The following GON4L variants were observed in gnomAD, a reference collection of about 807,000 sequenced individuals.
GON4L encodes GON-4-like protein.
GON4L carries 87 observed loss-of-function variants against 211.8 expected under a neutral mutation model. The observed-to-expected ratio is 0.41, with a 90% CI of 0.35 to 0.49. The LOEUF is 0.49. GON4L is among the 20% of genes least tolerant of loss of function. The pLI is 0.15. For synonymous variants in GON4L, 875 were observed against 962.6 expected, an observed-to-expected ratio of 0.91 and a Z score of 1.68; for missense variants, 2,155 against 2,659.5, an observed-to-expected ratio of 0.81 and a Z score of 4.17.
At chr1:155,799,026 GAT>G (rs1454306739) in intron 11 of GON4L, among the ~76,000 whole-genome samples, 1 of 152,118 alleles carries the variant, frequency 6.6e-6, no homozygotes, top group African/African-American at 2.4e-5. Context: ...TTACCCAGCT[GAT>G]ATACCCCTCC....
chr1:155,807,754 T>C (rs1338634889), intron 10 of GON4L, among the ~76,000 whole-genome samples: 1 of 148,442 alleles, frequency 6.7e-6, no homozygotes, highest in African/African-American at 2.5e-5. Context: ...GACCTCCATC[T>C]TTGTACTTTT....
chr1:155,840,869 T>A (rs988538482), intron 2 of GON4L, among the ~76,000 whole-genome samples: 1 of 151,968 alleles, frequency 6.6e-6, no homozygotes, highest in African/African-American at 2.4e-5. Context: ...CCCGTCCCTA[T>A]CAAAAATACA....
intron 3 of GON4L, 81 bp from the exon 4 acceptor site, chr1:155,822,557 G>T (rs1025279277): frequency 4.0e-6 from 4 of 987,974 alleles, no homozygotes; most frequent in Non-Finnish European, 4.8e-6. Context: ...CAGTAAAGTG[G>T]ATAAATCTCA....
chr1:155,767,614 G>C, intron 19 of GON4L, 73 bp from the exon 20 acceptor site: 3 of 1,498,590 alleles, frequency 2.0e-6, no homozygotes, highest in Non-Finnish European at 1.8e-6. Context: ...TGGTGAATGG[G>C]GTGGTGGTGG....
intron 28 of GON4L, 56 bp from the exon 29 acceptor site, chr1:155,753,470 G>C (rs1660830322): frequency 1.5e-6 from 2 of 1,340,240 alleles, no homozygotes; most frequent in African/African-American, 1.5e-5. Context: ...TCTTTGGTTG[G>C]GGCCCACCAA....
At chr1:155,779,127 G>T (rs1406713689) in intron 14 of GON4L, among the ~76,000 whole-genome samples, 1 of 151,334 alleles carries the variant, frequency 6.6e-6, no homozygotes, top group African/African-American at 2.4e-5. Flanking sequence ...AGTCGTGGGG[G>T]CCTGTAGTCC....
chr1:155,750,530 C>A lies in GON4L; in HGVS notation c.*54G>T. On this transcript the variant is annotated 3_prime_UTR_variant, in exon 32 of 32. Coordinates refer to ENST00000368331, the MANE Select transcript of GON4L (RefSeq NM_001282860.2). Reference sequence around the variant, plus strand: ...ACAAGCAGAGTACAACTACCCCCTCCCCGGTGCCAGGGCGCCTGTTGGGTT... The same window carrying A: ...ACAAGCAGAGTACAACTACCCCCTCACCGGTGCCAGGGCGCCTGTTGGGTT... 6.5e-7 allele frequency: 1 copy of A among 1,531,470 alleles called. No individual in the cohort carries two copies. Among genetic ancestry groups the A allele is most frequent in the Non-Finnish European group, 9.0e-7 (1 of 1,105,852 alleles). The allele number at this position is 1,531,470 out of a possible 1,614,324, so 94.9% of individuals were successfully genotyped here.
In GON4L at chr1:155,766,185, A is replaced by G. The variant is rs1662451670; in HGVS notation, c.3288T>C (p.Pro1096=). The G allele has an allele frequency of 1.9e-6, 3 of 1,614,126 alleles. No homozygotes were observed. In the East Asian group the frequency reaches 6.7e-5, roughly 36 times the overall value. The change falls in exon 21 of 32, where the codon CCT becomes CCC. Residue 1096 remains proline (P), a synonymous_variant. Coordinates refer to ENST00000368331, the MANE Select transcript of GON4L (RefSeq NM_001282860.2). ...GGGAGGGCAGCATTACCTTGGGCAC[A>G]GGGGCAGAAGAGAGCAAAGTCTGGG... is the stretch of plus-strand genomic sequence containing the variant. ...SESQTLLSSA[P]VPKVMLPSLA...
At chr1:155,842,523 C>CAAAAA in intron 2 of GON4L, among the ~76,000 whole-genome samples, 1 of 25,990 alleles carries the variant, frequency 3.8e-5, no homozygotes, top group Non-Finnish European at 7.4e-5. Flanking sequence ...GACTCCATCT[C>CAAAAA]AAAAAAAAAA....
chr1:155,768,455 C>CAA (rs1557841039), intron 19 of GON4L, among the ~76,000 whole-genome samples: 1 of 149,104 alleles, frequency 6.7e-6, no homozygotes, highest in Non-Finnish European at 1.5e-5. Flanking sequence ...CTAAAAAATA[C>CAA]AAAAAATTAG....
intron 11 of GON4L, among the ~76,000 whole-genome samples, chr1:155,804,022 C>A (rs1173153770): frequency 6.6e-6 from 1 of 152,154 alleles, no homozygotes; most frequent in Admixed American, 6.5e-5. Flanking sequence ...TCACTTGCAT[C>A]ATGAAGACCC....
Position 155,766,209 on chromosome 1 carries a change from G to C in GON4L, c.3264C>G (p.Ser1088=), listed in dbSNP as rs1366901248. 1.9e-6 allele frequency: 3 copies of C among 1,613,956 alleles called. No individual in the cohort carries two copies. In the Admixed American group the frequency reaches 5.0e-5, roughly 27 times the overall value. ...CAGGGGCAGAAGAGAGCAAAGTCTG[G>C]GACTCAGACAGAGGGAAGCTTGTCC... ...EARTSFPLSE[S]QTLLSSAPVP... is the part of the protein sequence containing the mutation. Residue 1088 remains serine (S), a synonymous_variant, in exon 21 of 32, where the codon TCC becomes TCG. Transcript: ENST00000368331.
intron 14 of GON4L, among the ~76,000 whole-genome samples, chr1:155,782,685 T>C (rs1664539603): frequency 6.6e-6 from 1 of 152,112 alleles, no homozygotes; most frequent in African/African-American, 2.4e-5. Context: ...TTTATTTTAT[T>C]TTTTTGAGAC....
chr1:155,753,272 C>T lies in GON4L; in HGVS notation c.5774G>A (p.Arg1925Gln), dbSNP rs536850613. The T allele has an allele frequency of 1.6e-5, 26 of 1,613,738 alleles. No homozygotes were observed. The highest frequency in any genetic ancestry group is 1.9e-5 in the Non-Finnish European group (23 of 1,179,806). ...DMMEEEAPEE[R>Q]ESTEATQSRT... ...GCTCTGGGTGGCCTCAGTGCTCTCC[C>T]GCTCCTCTGGGGCTTCCTCTTCCAT... Residue 1925 changes from arginine to glutamine, a missense_variant, in exon 29 of 32, where the codon CGG becomes CAG. Physicochemically the swap from Arg to Gln is conservative, Grantham distance 43. This residue lies in a region of GON4L where 455 missense variants were observed against 504.6 expected (regional missense o/e 0.90). Coordinates refer to ENST00000368331, the MANE Select transcript of GON4L (RefSeq NM_001282860.2).
chr1:155,836,596 C>T (rs1008910600), intron 2 of GON4L, among the ~76,000 whole-genome samples: 2 of 152,170 alleles, frequency 1.3e-5, no homozygotes, highest in Non-Finnish European at 2.9e-5. Flanking sequence ...TCTCCTCTCC[C>T]TTTACCTTTT....
upstream of GON4L, among the ~76,000 whole-genome samples, chr1:155,857,630 G>A (rs1672398447): frequency 6.6e-6 from 1 of 152,138 alleles, no homozygotes; most frequent in Non-Finnish European, 1.5e-5. Context: ...TCCGGAGGCT[G>A]AGGCAGGAGA....
chr1:155,805,034 T>G lies in GON4L; in HGVS notation c.1560A>C (p.Pro520=), dbSNP rs1215041776. 1 of 1,613,364 alleles carries G rather than the reference T, an allele frequency of 6.2e-7. No homozygotes were observed. Among genetic ancestry groups the G allele is most frequent in the East Asian group, 2.2e-5 (1 of 44,870 alleles). The part of the protein sequence containing the change: ...EAELQAPDIT[P]DMYDPNTADD... ...CTGCCGTATTGGGGTCATACATATC[T>G]GGAGTGATGTCTGGAGCTTGGAGCT... is the stretch of plus-strand genomic sequence containing the variant. Residue 520 remains proline (P), a synonymous_variant, in exon 11 of 32, where the codon CCA becomes CCC. Coordinates refer to ENST00000368331, the MANE Select transcript of GON4L (RefSeq NM_001282860.2).
chr1:155,747,011 G>A (rs1285953836), downstream of GON4L: 21 of 1,594,382 alleles, frequency 1.3e-5, no homozygotes, highest in Non-Finnish European at 1.7e-5. Flanking sequence ...CCTAAGGACT[G>A]CGACTCGGTG....
chr1:155,844,441 A>C (rs1049994384), intron 2 of GON4L, among the ~76,000 whole-genome samples: 1 of 152,094 alleles, frequency 6.6e-6, no homozygotes, highest in East Asian at 1.9e-4. Flanking sequence ...ACTGACCCCA[A>C]CTATATCTGG....
Sources: allele counts gnomAD v4.1 joint callset (sites outside exome capture counted in the v4.1 genomes callset), GRCh38; gene constraint gnomAD v4.1.1; regional missense constraint gnomAD v4.1.1; transcripts MANE v1.5; gene names NCBI Gene and HGNC (gene_info 2026-07-23, HGNC 2026-07-21).